RGS3: variants seen among roughly 807,000 people sequenced by gnomAD.
RGS3 encodes regulator of G protein signaling 3.
Under a neutral mutation model 132.6 loss-of-function variants are expected in RGS3, and 80 were observed. That is an observed-to-expected ratio of 0.60 (90% CI 0.50 to 0.73). The LOEUF (loss-of-function observed/expected upper bound fraction) is 0.73. RGS3 is among the 30% of genes least tolerant of loss of function. RGS3 has a pLI of 0.00. For synonymous variants in RGS3, 598 were observed against 620.6 expected (o/e 0.96, Z 0.54); for missense variants, 1,382 against 1,530.8 (o/e 0.90, Z 1.62).
chr9:113,594,169 G>T (rs1349532848), intron 21 of RGS3: 6 of 1,612,980 alleles, frequency 3.7e-6, no homozygotes, highest in African/African-American at 1.3e-5. Flanking sequence ...TGTGGCTGCA[G>T]CCTGCACCGT....
intron 1 of RGS3, among the ~76,000 whole-genome samples, chr9:113,447,361 A>ATATATATATATATATATATATATATC (rs1554751008): frequency 8.4e-6 from 1 of 118,406 alleles, no homozygotes; most frequent in African/African-American, 3.1e-5. Context: ...ATATATATAT[A>ATATATATATATATATATATATATATC]GGCAAGGGTT....
In RGS3 at chr9:113,565,877, G is replaced by C. The variant is rs1833979425; in HGVS notation, c.2038-17573G>C. 8.3e-6 allele frequency: 1 copy of C among 120,932 alleles called. No homozygotes were observed. Among genetic ancestry groups the C allele is most frequent in the Non-Finnish European group, 1.8e-5 (1 of 54,460 alleles). 7.5% of individuals were successfully genotyped at this position (120,932 alleles called of 1,614,324 possible). On this transcript the variant is annotated intron_variant, in intron 19 of 24. Coordinates refer to ENST00000350696, the Ensembl canonical transcript of RGS3. This position sits in a 1 kb window ranked among gnomAD's most constrained non-coding sequence, Gnocchi z 5.7. Reference sequence around the variant, plus strand: ...TTGTGCTCTGTTCTGAGATAGCTCTGTGTGTGTGTGTGTGTGTGTGTGTGT... The same window carrying C: ...TTGTGCTCTGTTCTGAGATAGCTCTCTGTGTGTGTGTGTGTGTGTGTGTGT...
chr9:113,517,839 G>A lies in RGS3; in HGVS notation c.1758+215G>A, dbSNP rs528767726. Among the ~76,000 whole-genome samples, 6 of 152,214 alleles carry A rather than the reference G, an allele frequency of 3.9e-5. No individual in the cohort carries two copies. In the South Asian group the frequency reaches 1.0e-3, roughly 26 times the overall value. ...AAAAGCTGTCGAATCCTTCTTTGAT[G>A]GTTAGAAAGTTTCCCCAGCCCCTAA... is the stretch of plus-strand genomic sequence containing the variant. On this transcript the variant is annotated intron_variant, in intron 16 of 24. Coordinates refer to ENST00000350696, the Ensembl canonical transcript of RGS3.
chr9:113,568,335 A>G (rs1238973480), intron 19 of RGS3, among the ~76,000 whole-genome samples: 2 of 152,232 alleles, frequency 1.3e-5, no homozygotes, highest in African/African-American at 4.8e-5. Context: ...GAAAAGCAGC[A>G]TGTGCAATAG....
At chr9:113,572,369 G>A (rs774017085) in intron 19 of RGS3, among the ~76,000 whole-genome samples, 8 of 152,066 alleles carry the variant, frequency 5.3e-5, no homozygotes, top group Non-Finnish European at 1.0e-4. Flanking sequence ...TCACCCCCAA[G>A]CAGAGATAGG....
At chr9:113,509,660 C>A (rs545069461) in intron 14 of RGS3, among the ~76,000 whole-genome samples, 9 of 152,066 alleles carry the variant, frequency 5.9e-5, no homozygotes, top group African/African-American at 2.2e-4. Flanking sequence ...GTGTCTGGAC[C>A]GCCTTCCTTG....
At chr9:113,527,329 G>A (rs1832257719) in intron 17 of RGS3, among the ~76,000 whole-genome samples, 2 of 152,128 alleles carry the variant, frequency 1.3e-5, no homozygotes, top group Non-Finnish European at 2.9e-5. Context: ...CCAAGTTTCT[G>A]TTATTTTCTT....
intron 19 of RGS3, among the ~76,000 whole-genome samples, chr9:113,561,586 AT>A (rs1181886025): frequency 1.5e-3 from 200 of 133,218 alleles, no homozygotes; most frequent in Middle Eastern, 3.9e-3. Context: ...CTAATTTTTA[AT>A]TTTTTTTTTT....
intron 19 of RGS3, among the ~76,000 whole-genome samples, chr9:113,552,372 A>C (rs1260833844): frequency 1.3e-5 from 2 of 152,256 alleles, no homozygotes; most frequent in East Asian, 3.9e-4. Context: ...GCTGGAGTGC[A>C]GTGGAGTGAT....
chr9:113,452,058 G>A (rs138424529), intron 1 of RGS3, among the ~76,000 whole-genome samples: 96 of 152,208 alleles, frequency 6.3e-4, no homozygotes, highest in Admixed American at 2.1e-3. Context: ...GAGTCCAATA[G>A]TGTGATCATA....
chr9:113,574,747 CAGTACACACACACGG>C, intron 19 of RGS3, among the ~76,000 whole-genome samples: 1 of 152,274 alleles, frequency 6.6e-6, no homozygotes, highest in East Asian at 1.9e-4. Context: ...TGAGAGGTCC[CAGTACACACACACGG>C]AGCAGGCAGA....
chr9:113,512,246 G>T (rs1831437546), intron 14 of RGS3, among the ~76,000 whole-genome samples: 1 of 152,218 alleles, frequency 6.6e-6, no homozygotes, highest in South Asian at 2.1e-4. Context: ...ACTGAGGATG[G>T]TGCTTTAAAC....
At chr9:113,446,280 T>C (rs1229649119) in intron 1 of RGS3, among the ~76,000 whole-genome samples, 5 of 152,216 alleles carry the variant, frequency 3.3e-5, no homozygotes, top group African/African-American at 4.8e-5. Flanking sequence ...TTAACAGATA[T>C]TGGGTATCTA....
chr9:113,486,754 C>A (rs1364717787), intron 7 of RGS3, among the ~76,000 whole-genome samples: 1 of 152,194 alleles, frequency 6.6e-6, no homozygotes, highest in African/African-American at 2.4e-5. Context: ...GTTCAATGCT[C>A]TTTAGTACTC....
At chr9:113,514,687 A>C (rs772941886) in intron 15 of RGS3, 33 bp downstream of exon 13, 2 of 1,604,350 alleles carry the variant, frequency 1.2e-6, no homozygotes, top group East Asian at 4.5e-5. Flanking sequence ...AGGTTCCCTC[A>C]GGAGGAACGG....
At chr9:113,477,116 T>C (rs1830018440) in intron 3 of RGS3, among the ~76,000 whole-genome samples, 1 of 152,048 alleles carries the variant, frequency 6.6e-6, no homozygotes, top group Non-Finnish European at 1.5e-5. Context: ...AAGTAATTGC[T>C]CAGACTTTGA....
In RGS3 at chr9:113,507,544, G is replaced by T; in HGVS notation, c.1343G>T (p.Arg448Leu). Residue 448 changes from arginine (R) to leucine (L), a missense_variant, in exon 13 of 25, where the codon CGC becomes CTC. Arg to Leu is a moderately radical substitution (Grantham distance 102, BLOSUM62 -2). Coordinates refer to ENST00000350696, the Ensembl canonical transcript of RGS3. This position sits in a 1 kb window ranked among gnomAD's most constrained non-coding sequence, Gnocchi z 5.0. ...GAGCGCTACACCGAGGTGGCCAAGC[G>T]CGGGGGCCAGCACACCCTGCCTGCA... The T allele has an allele frequency of 6.3e-7, 1 of 1,593,192 alleles. No individual in the cohort carries two copies. Among genetic ancestry groups the T allele is most frequent in the Non-Finnish European group, 8.6e-7 (1 of 1,169,010 alleles).
chr9:113,508,489 T>TGTC, intron 13 of RGS3, 52 bp from the exon 12 acceptor site: 1 of 1,608,768 alleles, frequency 6.2e-7, no homozygotes, highest in Non-Finnish European at 8.5e-7. Flanking sequence ...CCTCCTGGGC[T>TGTC]GTCCTGCCCT....
At chr9:113,543,139 G>A (rs1407269072) in intron 19 of RGS3, among the ~76,000 whole-genome samples, 1 of 152,242 alleles carries the variant, frequency 6.6e-6, no homozygotes, top group Non-Finnish European at 1.5e-5. Context: ...AAGAGGATTA[G>A]AGTCACTTGC....
Sources: gnomAD v4.1 joint callset for allele counts (sites outside exome capture counted in the v4.1 genomes callset) on GRCh38, gnomAD v4.1.1 for gene constraint, Gnocchi (gnomAD v3.1) non-coding constraint, MANE v1.5 for transcripts, NCBI Gene and HGNC (gene_info 2026-07-23, HGNC 2026-07-21) for gene names.